Variants in EGF observed in about 807,000 individuals in gnomAD.
The protein encoded by EGF is epidermal growth factor.
A neutral mutation model predicts 143.8 loss-of-function variants in EGF; 95 were observed. The observed-to-expected ratio is 0.66, with a 90% confidence interval of 0.56 to 0.78. The LOEUF (loss-of-function observed/expected upper bound fraction) is 0.78. Among genes scored for constraint, EGF ranks in the 30% least tolerant of loss-of-function variants. The probability of loss-of-function intolerance (pLI) is 0.00; values close to 1 mark genes in which losing one functional copy is unlikely to be tolerated. For synonymous variants in EGF, 510 were observed against 510.5 expected (o/e 1.00, Z 0.01); for missense variants, 1,320 against 1,470.9 (o/e 0.90, Z 1.68).
rs548470014 is a variant in EGF, at chr4:109,979,057, C to T, written c.2054-915C>T. 3.7e-4 allele frequency among the ~76,000 whole-genome samples: 56 copies of T among 152,294 alleles called. No homozygotes were observed. In the South Asian group the frequency reaches 0.011, roughly 31 times the overall value. ...CCTGAGATAGAACGTTAAAACATTC[C>T]CTTGCGTATTCAATACTTGCATGCC... On this transcript the variant is annotated intron_variant, in intron 13 of 23. Transcript: ENST00000265171.
intron 11 of EGF, among the ~76,000 whole-genome samples, chr4:109,973,983 AAAATT>A (rs1330886122): frequency 2.0e-5 from 3 of 152,224 alleles, no homozygotes; most frequent in African/African-American, 4.8e-5. Flanking sequence ...AAAATATTCA[AAAATT>A]AAATTAAATT....
At chr4:109,981,747 A>C (rs1749396228) in intron 15 of EGF, among the ~76,000 whole-genome samples, 1 of 152,248 alleles carries the variant, frequency 6.6e-6, no homozygotes, top group Admixed American at 6.5e-5. Flanking sequence ...GTTTCAGCTC[A>C]CAATTCAAAA....
intron 1 of EGF, among the ~76,000 whole-genome samples, chr4:109,919,030 T>C (rs1044465235): frequency 6.6e-6 from 1 of 152,154 alleles, no homozygotes; most frequent in Non-Finnish European, 1.5e-5. Context: ...CATTTTAGAT[T>C]TCTTCTTCCT....
intron 21 of EGF, 114 bp from the exon 22 acceptor site, chr4:110,004,391 A>G (rs1752981960): frequency 2.3e-6 from 2 of 876,098 alleles, no homozygotes. Context: ...CTTCTCTCCC[A>G]CACAAGTACT....
chr4:109,990,476 C>G (rs779423177), intron 18 of EGF, among the ~76,000 whole-genome samples: 1 of 152,064 alleles, frequency 6.6e-6, no homozygotes, highest in Non-Finnish European at 1.5e-5. Context: ...GGGAGGAGTC[C>G]AGGCATGAAC....
rs1165122525 is a variant in EGF, at chr4:110,008,183, A to G, written c.3323A>G (p.Lys1108Arg). ...FVVIKEHQDL[K>R]NGGQPVAGED... The stretch of plus-strand genomic sequence containing the variant: ...GTTATAAAAGAACACCAAGACCTCA[A>G]GAATGGGGGTCAACCAGTGGCTGGT... The change falls in exon 23 of 24, where the codon AAG becomes AGG. Residue 1108 changes from lysine (K) to arginine (R), a missense_variant. Around this residue, in one of 5 missense-constraint regions of EGF, gnomAD observed 1,186 missense variants for 1,313.7 expected, o/e 0.90. Coordinates refer to ENST00000265171, the MANE Select transcript of EGF (RefSeq NM_001963.6). The G allele has an allele frequency of 6.2e-6, 10 of 1,614,078 alleles. No homozygotes were observed. The East Asian group carries it at 2.0e-4, about 32-fold the overall frequency.
rs751031002 is a variant in EGF at position 109,979,945 on chromosome 4, T to G, written c.2054-27T>G. 4.3e-6 allele frequency: 7 copies of G among 1,613,486 alleles called. 1 individual carries two copies. The South Asian group carries it at 6.6e-5, about 15-fold the overall frequency. Reference sequence around the variant, plus strand: ...AGTCATTGCAAAGACAAAGAAGGTGTATTTAACAAACTTGAATTGTTTCCA... The same window carrying G: ...AGTCATTGCAAAGACAAAGAAGGTGGATTTAACAAACTTGAATTGTTTCCA... On this transcript the variant is annotated intron_variant, in intron 13 of 23. Coordinates refer to ENST00000265171, the MANE Select transcript of EGF (RefSeq NM_001963.6).
intron 23 of EGF, 139 bp from the exon 24 acceptor site, chr4:110,011,062 TG>T (rs1243911623): frequency 3.2e-6 from 3 of 942,094 alleles, no homozygotes; most frequent in Non-Finnish European, 4.7e-6. Context: ...GAGAAAAAAA[TG>T]TGTCTAGAGT....
chr4:110,004,282 C>T (rs563386357), intron 21 of EGF: 3 of 566,258 alleles, frequency 5.3e-6, no homozygotes, highest in African/African-American at 1.9e-5. Context: ...CCTCACAGAA[C>T]CTTGGAAAGA....
chr4:109,937,467 A>C (rs1741047352), intron 1 of EGF, among the ~76,000 whole-genome samples: 1 of 151,708 alleles, frequency 6.6e-6, no homozygotes, highest in Non-Finnish European at 1.5e-5. Context: ...AAACCAGCAC[A>C]CTGATGGTCT....
chr4:109,980,798 T>A (rs1578332706), intron 14 of EGF, 28 bp from the exon 15 acceptor site: 2 of 1,613,724 alleles, frequency 1.2e-6, no homozygotes, highest in African/African-American at 2.7e-5. Flanking sequence ...TCAAACCCAC[T>A]TGTGAATTTG....
At chr4:109,973,529 A>C (rs75104452) in intron 11 of EGF, among the ~76,000 whole-genome samples, 3,048 of 151,804 alleles carry the variant, frequency 0.02, 105 homozygotes, top group African/African-American at 0.069. Flanking sequence ...CATTCTTTAC[A>C]TCCTTCTTTT....
chr4:109,988,487 T>C (rs1750470379), intron 17 of EGF, 97 bp from the exon 18 acceptor site: 14 of 1,577,788 alleles, frequency 8.9e-6, no homozygotes, highest in Non-Finnish European at 1.2e-5. Flanking sequence ...AAGGACTGAA[T>C]AAGAATTGAA....
At chr4:109,957,732 G>A (rs1310229146) in intron 5 of EGF, among the ~76,000 whole-genome samples, 1 of 152,184 alleles carries the variant, frequency 6.6e-6, no homozygotes, top group Non-Finnish European at 1.5e-5. Context: ...AGCAATGGTG[G>A]TGTTCTCAGC....
intron 22 of EGF, 47 bp downstream of exon 22, chr4:110,004,669 C>A (rs1435686191): frequency 1.3e-6 from 2 of 1,530,116 alleles, no homozygotes; most frequent in Admixed American, 1.7e-5. Flanking sequence ...TTGATATTAA[C>A]CCCTATTCAT....
intron 2 of EGF, among the ~76,000 whole-genome samples, chr4:109,942,442 A>C (rs1487983804): frequency 1.3e-5 from 2 of 152,264 alleles, no homozygotes; most frequent in Admixed American, 1.3e-4. Context: ...ATGTAGAAAT[A>C]GCACAGGCTT....
Position 109,983,478 on chromosome 4 carries a change from A to G in EGF, c.2428A>G (p.Arg810Gly). 3 of 1,613,844 alleles carry G rather than the reference A, an allele frequency of 1.9e-6. No individual in the cohort carries two copies. The highest frequency in any genetic ancestry group is 1.7e-6 in the Non-Finnish European group (2 of 1,179,844). The change falls in exon 16 of 24, where the codon AGA becomes GGA. Residue 810 changes from arginine to glycine, a missense_variant. This residue lies in a region of EGF where 1,186 missense variants were observed against 1,313.7 expected (regional missense o/e 0.90). Transcript: ENST00000265171. ...VTPLDILSKT[R>G]VSEDNITESQ... is the part of the protein sequence containing the mutation. ...ACCATTGGACATCTTGTCCAAGACT[A>G]GAGTGTCAGAAGATAACATTACAGA... is the stretch of plus-strand genomic sequence containing the variant.
chr4:109,942,546 T>C (rs1434888552), intron 2 of EGF, among the ~76,000 whole-genome samples: 1 of 152,206 alleles, frequency 6.6e-6, no homozygotes, highest in Admixed American at 6.5e-5. Flanking sequence ...ACCATGAAAA[T>C]CTTTAACAGT....
rs1006074121 is a variant in EGF at position 110,012,921 on chromosome 4, C to T, written c.*1466C>T. On this transcript the variant is annotated 3_prime_UTR_variant, in exon 24 of 24. Coordinates refer to ENST00000265171, the MANE Select transcript of EGF (RefSeq NM_001963.6). ...ATCTTTCATTTCTCAACCCCTTGTA[C>T]TTTGGTGATACCAGACATCAGAATA... 6.6e-6 allele frequency among the ~76,000 whole-genome samples: 1 copy of T among 152,164 alleles called. No homozygotes were observed. The highest frequency in any genetic ancestry group is 1.9e-4 in the East Asian group (1 of 5,200).
Sources: gnomAD v4.1 joint callset for allele counts (sites outside exome capture counted in the v4.1 genomes callset) on GRCh38, gnomAD v4.1.1 for gene constraint, gnomAD v4.1.1 regional missense constraint, MANE v1.5 for transcripts, NCBI Gene and HGNC (gene_info 2026-07-23, HGNC 2026-07-21) for gene names.